The following FOXN3 variants were observed in gnomAD, a reference collection of about 807,000 sequenced individuals.
FOXN3 encodes the protein forkhead box protein N3.
A neutral mutation model predicts 38.4 loss-of-function variants in FOXN3; 7 were observed. That is an observed-to-expected ratio of 0.18 (90% CI 0.10 to 0.34). FOXN3 has a LOEUF of 0.34. Ranked by LOEUF, FOXN3 falls within the 10% of genes least tolerant of loss-of-function variation. FOXN3 has a pLI of 1.00. For synonymous variants in FOXN3, 230 were observed against 242.2 expected, an observed-to-expected ratio of 0.95 and a Z score of 0.47; for missense variants, 456 against 613.4, an observed-to-expected ratio of 0.74 and a Z score of 2.71.
intron 4 of FOXN3, chr14:89,223,305 T>TCCCTGGGTGG (rs1884528196): frequency 6.6e-6 from 1 of 152,288 alleles, no homozygotes; most frequent in Non-Finnish European, 1.5e-5. Context: ...GGTGGGCAGG[T>TCCCTGGGTGG]GCAGACCACG....
chr14:89,298,979 T>G (rs1294831373), intron 3 of FOXN3, among the ~76,000 whole-genome samples: 1 of 148,302 alleles, frequency 6.7e-6, no homozygotes, highest in Non-Finnish European at 1.5e-5. Flanking sequence ...CTCTGAGCCC[T>G]AAAAGTGCTG....
chr14:89,305,762 T>C (rs1221224344), intron 3 of FOXN3, among the ~76,000 whole-genome samples: 1 of 152,228 alleles, frequency 6.6e-6, no homozygotes, highest in Non-Finnish European at 1.5e-5. Context: ...CTGATAAGAA[T>C]GATTCTTATT....
At chr14:89,407,136 C>G (rs747409312) in intron 2 of FOXN3, among the ~76,000 whole-genome samples, 4 of 152,166 alleles carry the variant, frequency 2.6e-5, no homozygotes, top group Non-Finnish European at 5.9e-5. Context: ...GAATGTGACC[C>G]AGACGTTCGT....
chr14:89,399,928 A>G (rs992451032), intron 2 of FOXN3: 2 of 152,180 alleles, frequency 1.3e-5, no homozygotes, highest in African/African-American at 4.8e-5. Flanking sequence ...ACACATATAC[A>G]AGAAAAATTC....
intron 2 of FOXN3, among the ~76,000 whole-genome samples, chr14:89,373,602 TCTAA>T (rs1184446431): frequency 1.3e-5 from 2 of 152,320 alleles, no homozygotes; most frequent in East Asian, 3.9e-4. Context: ...GTCTATGCCC[TCTAA>T]CTAATACGTT....
At chr14:89,369,439 T>C (rs967944669) in intron 2 of FOXN3, among the ~76,000 whole-genome samples, 1 of 152,170 alleles carries the variant, frequency 6.6e-6, no homozygotes, top group African/African-American at 2.4e-5. Flanking sequence ...CACTTAATTC[T>C]ACCAACAAAT....
intron 2 of FOXN3, among the ~76,000 whole-genome samples, chr14:89,406,261 A>AT (rs1160032461): frequency 6.6e-6 from 1 of 152,030 alleles, no homozygotes; most frequent in Non-Finnish European, 1.5e-5. Context: ...AAAAAAAAAA[A>AT]ATCTTGAAAT....
chr14:89,618,484 C>G (rs916448598), intron 1 of FOXN3, among the ~76,000 whole-genome samples: 4 of 152,286 alleles, frequency 2.6e-5, no homozygotes, highest in African/African-American at 9.6e-5. Context: ...TAACCCGTTA[C>G]AGTATTTGAA....
intron 1 of FOXN3, among the ~76,000 whole-genome samples, chr14:89,501,477 A>G (rs1407340464): frequency 6.6e-6 from 1 of 152,106 alleles, no homozygotes; most frequent in Non-Finnish European, 1.5e-5. Context: ...CTGCATAGTC[A>G]TAAGTAGCTC....
intron 4 of FOXN3, among the ~76,000 whole-genome samples, chr14:89,225,649 T>A (rs1450887414): frequency 1.3e-5 from 2 of 152,162 alleles, no homozygotes; most frequent in African/African-American, 4.8e-5. Flanking sequence ...ATATTTGAAC[T>A]AGATCTAGTC....
chr14:89,349,794 C>T (rs1373365108), intron 3 of FOXN3: 1 of 152,236 alleles, frequency 6.6e-6, no homozygotes, highest in African/African-American at 2.4e-5. Flanking sequence ...GGAAAAGAAT[C>T]TGCAAAGAAG....
At chr14:89,303,509 CA>C (rs35221005) in intron 3 of FOXN3, among the ~76,000 whole-genome samples, 1 of 138,010 alleles carries the variant, frequency 7.2e-6, no homozygotes, top group Non-Finnish European at 1.6e-5. Context: ...AAAAAAAAAA[CA>C]AAAAAAAAAC....
At chr14:89,259,746 C>T (rs1438970916) in intron 4 of FOXN3, among the ~76,000 whole-genome samples, 1 of 152,214 alleles carries the variant, frequency 6.6e-6, no homozygotes, top group Non-Finnish European at 1.5e-5. Context: ...CAGACCAGGG[C>T]TCGGCAGAAA....
chr14:89,351,916 A>G (rs1390020337), intron 2 of FOXN3, among the ~76,000 whole-genome samples: 23 of 152,252 alleles, frequency 1.5e-4, no homozygotes, highest in Non-Finnish European at 3.4e-4. Context: ...AAATCTTTTT[A>G]AAAGTTTAAA....
intron 2 of FOXN3, among the ~76,000 whole-genome samples, chr14:89,359,847 G>A (rs1261884558): frequency 6.6e-6 from 1 of 152,230 alleles, no homozygotes; most frequent in Admixed American, 6.5e-5. Flanking sequence ...GTGGATAAGA[G>A]AAGGGTCTCC....
chr14:89,364,816 G>A (rs1179637164), intron 2 of FOXN3: 1 of 152,152 alleles, frequency 6.6e-6, no homozygotes, highest in African/African-American at 2.4e-5. Flanking sequence ...CATCTGCAAG[G>A]GAACGCATGT....
intron 2 of FOXN3, among the ~76,000 whole-genome samples, chr14:89,366,275 T>G (rs1210770394): frequency 1.4e-5 from 2 of 143,150 alleles, no homozygotes; most frequent in Non-Finnish European, 1.5e-5. Flanking sequence ...AAAAAAAAAC[T>G]TTATTATAGA....
chr14:89,180,144 G>C (rs1303089047), intron 5 of FOXN3, among the ~76,000 whole-genome samples: 8 of 152,242 alleles, frequency 5.3e-5, no homozygotes, highest in Non-Finnish European at 1.2e-4. Context: ...GCATGGAGGA[G>C]AGAAATGTCC....
intron 1 of FOXN3, among the ~76,000 whole-genome samples, chr14:89,570,092 C>G (rs528710387): frequency 6.6e-6 from 1 of 152,102 alleles, no homozygotes; most frequent in South Asian, 2.1e-4. Context: ...TCTCCGCCTC[C>G]CAGGTTCAAG....
Sources: gnomAD v4.1 joint callset for allele counts (sites outside exome capture counted in the v4.1 genomes callset) on GRCh38, gnomAD v4.1.1 for gene constraint, MANE v1.5 for transcripts, NCBI Gene and HGNC (gene_info 2026-07-23, HGNC 2026-07-21) for gene names.